NRXN3: variants seen among roughly 807,000 people sequenced by gnomAD.
NRXN3 encodes neurexin 3.
In NRXN3, 32 loss-of-function variants were observed where a neutral mutation model predicts 137.6. That is an observed-to-expected ratio of 0.23 (90% CI 0.18 to 0.31). The LOEUF (loss-of-function observed/expected upper bound fraction) is 0.31, where lower values mean the gene tolerates loss of function less well. Among genes scored for constraint, NRXN3 ranks in the 10% least tolerant of loss-of-function variants. The pLI, the probability that NRXN3 is intolerant of heterozygous loss-of-function variation, is 1.00. For missense variants in NRXN3, 1,574 were observed against 2,062.5 expected (o/e 0.76, Z 4.59); for synonymous variants, 798 against 784.5 (o/e 1.02, Z -0.29).
intron 15 of NRXN3, among the ~76,000 whole-genome samples, chr14:79,259,047 T>C (rs963553952): frequency 2.0e-5 from 3 of 152,160 alleles, no homozygotes; most frequent in African/African-American, 7.2e-5. Context: ...CTTTTTCTTT[T>C]CTGGAATCTT....
intron 15 of NRXN3, among the ~76,000 whole-genome samples, chr14:79,184,783 C>G (rs924933504): frequency 2.0e-5 from 3 of 152,194 alleles, no homozygotes; most frequent in Non-Finnish European, 4.4e-5. Flanking sequence ...GTTTTCCTAT[C>G]AGGGATGTGT....
intron 15 of NRXN3, among the ~76,000 whole-genome samples, chr14:79,095,027 C>A (rs1223875696): frequency 3.0e-5 from 4 of 131,800 alleles, no homozygotes; most frequent in African/African-American, 1.2e-4. Context: ...GGAAAAATAT[C>A]AATGCATCAA....
intron 10 of NRXN3, among the ~76,000 whole-genome samples, chr14:78,915,345 CAAAAAAA>C (rs35908076): frequency 0.01 from 117 of 11,184 alleles, no homozygotes; most frequent in South Asian, 0.018. Flanking sequence ...ACGTGTGAAG[CAAAAAAA>C]AAAAAAAAAA....
chr14:78,968,398 C>T (rs1198289045), intron 14 of NRXN3, 52 bp downstream of exon 14: 7 of 1,553,044 alleles, frequency 4.5e-6, no homozygotes, highest in East Asian at 2.3e-5. Flanking sequence ...AAGCACCAAG[C>T]CTCTTTGCTG....
intron 15 of NRXN3, among the ~76,000 whole-genome samples, chr14:79,388,140 C>A (rs541917019): frequency 1.1e-3 from 174 of 151,794 alleles, no homozygotes; most frequent in Non-Finnish European, 2.0e-3. Context: ...AAGTGTGTGG[C>A]GTCTTCCCCC....
intron 15 of NRXN3, among the ~76,000 whole-genome samples, chr14:79,070,233 A>G (rs2099685935): frequency 6.6e-6 from 1 of 152,194 alleles, no homozygotes; most frequent in Admixed American, 6.5e-5. Context: ...AAACAAACAC[A>G]ACTCTATGTG....
chr14:79,812,039 T>G (rs2099235892), intron 20 of NRXN3, among the ~76,000 whole-genome samples: 1 of 152,160 alleles, frequency 6.6e-6, no homozygotes, highest in Admixed American at 6.5e-5. Flanking sequence ...TAATTAGCTC[T>G]TGCACTTTAG....
chr14:78,805,257 T>G (rs2098856369), intron 9 of NRXN3, among the ~76,000 whole-genome samples: 1 of 152,108 alleles, frequency 6.6e-6, no homozygotes, highest in Non-Finnish European at 1.5e-5. Flanking sequence ...TGTCTCTTGG[T>G]TTTTCTTTTG....
chr14:79,299,739 A>C (rs573004385), intron 15 of NRXN3, among the ~76,000 whole-genome samples: 17 of 152,210 alleles, frequency 1.1e-4, no homozygotes, highest in Admixed American at 1.3e-4. Flanking sequence ...CTTGGGTGTG[A>C]CAGACAATTT....
chr14:78,898,554 CGTGTGTGTGTGTGTGTGTGTGTGTGTGT>C (rs66861661), intron 10 of NRXN3, among the ~76,000 whole-genome samples: 181 of 136,344 alleles, frequency 1.3e-3, no homozygotes, highest in Non-Finnish European at 2.6e-3. Flanking sequence ...AGCTGGGTTT[CGTGTGTGTGTGTGTGTGTGTGTGTGTGT>C]GTGTGTGTGT....
chr14:78,840,766 G>A (rs965202607), intron 10 of NRXN3, among the ~76,000 whole-genome samples: 7 of 152,074 alleles, frequency 4.6e-5, no homozygotes, highest in African/African-American at 1.4e-4. Context: ...CAAGCCACAC[G>A]GTAATGCATC....
intron 15 of NRXN3, among the ~76,000 whole-genome samples, chr14:79,138,132 G>A (rs1445265990): frequency 6.6e-6 from 1 of 152,142 alleles, no homozygotes; most frequent in Non-Finnish European, 1.5e-5. Flanking sequence ...AATCAAACTT[G>A]GATATATTGT....
At chr14:78,286,388 G>A (rs907291239) in intron 3 of NRXN3, among the ~76,000 whole-genome samples, 2 of 152,164 alleles carry the variant, frequency 1.3e-5, no homozygotes, top group Non-Finnish European at 1.5e-5. Context: ...CTGTCCAGGA[G>A]GGGGAAATGA....
intron 1 of NRXN3, among the ~76,000 whole-genome samples, chr14:78,206,163 C>T (rs1196677260): frequency 6.6e-6 from 1 of 152,120 alleles, no homozygotes; most frequent in Middle Eastern, 3.2e-3. Flanking sequence ...TTGTAAAGTA[C>T]CCAGTAGAGG....
chr14:79,390,589 C>G (rs1252102304), intron 15 of NRXN3, among the ~76,000 whole-genome samples: 2 of 152,138 alleles, frequency 1.3e-5, no homozygotes, highest in Non-Finnish European at 2.9e-5. Flanking sequence ...CTTTCCCAGC[C>G]TTATAAGAAA....
intron 15 of NRXN3, among the ~76,000 whole-genome samples, chr14:79,166,662 G>T (rs1369774999): frequency 1.3e-5 from 2 of 151,384 alleles, no homozygotes; most frequent in Non-Finnish European, 1.5e-5. Flanking sequence ...CATTGGCAGG[G>T]TTACCATAAC....
At chr14:79,214,335 G>C (rs925633989) in intron 15 of NRXN3, among the ~76,000 whole-genome samples, 1 of 152,194 alleles carries the variant, frequency 6.6e-6, no homozygotes, top group African/African-American at 2.4e-5. Flanking sequence ...ATTGAAGGAA[G>C]TCAAATTGCC....
chr14:78,496,056 T>G (rs1018998091), intron 4 of NRXN3, among the ~76,000 whole-genome samples: 1 of 152,320 alleles, frequency 6.6e-6, no homozygotes, highest in East Asian at 1.9e-4. Context: ...GGGGACCACA[T>G]TGAAGAAAAT....
rs1408000503 is a variant in NRXN3, at chr14:79,739,098, A to ATCT, written c.4014+41163_4014+41165dup. Reference sequence around the variant, plus strand: ...CCATCCCATTTCAAAGACACTGGAAATCTTAAGCTCTTTTCTTTACAAATT... The same window carrying ATCT: ...CCATCCCATTTCAAAGACACTGGAAATCTTCTTAAGCTCTTTTCTTTACAAATT... On this transcript the variant is annotated intron_variant, in intron 19 of 20. Coordinates refer to ENST00000335750, the MANE Select transcript of NRXN3 (RefSeq NM_001330195.2). Among the ~76,000 whole-genome samples, 4 of 152,204 alleles carry ATCT rather than the reference A, an allele frequency of 2.6e-5. No homozygotes were observed. The South Asian group carries it at 8.3e-4, about 31-fold the overall frequency.
Sources: allele counts gnomAD v4.1 joint callset (sites outside exome capture counted in the v4.1 genomes callset), GRCh38; gene constraint gnomAD v4.1.1; transcripts MANE v1.5; gene names NCBI Gene and HGNC (gene_info 2026-07-23, HGNC 2026-07-21).